LZTR1: variants seen among roughly 807,000 people sequenced by gnomAD.
LZTR1 encodes the protein leucine zipper like post translational regulator 1.
In LZTR1, 260 loss-of-function variants were observed where a neutral mutation model predicts 105.7. That is an observed-to-expected ratio of 2.46 (90% CI 2.22 to 2.72). The LOEUF (loss-of-function observed/expected upper bound fraction) is 2.72. Ranked by LOEUF, LZTR1 falls within the 30% of genes most tolerant of loss-of-function variation. LZTR1 has a pLI of 0.00. For synonymous variants in LZTR1, 490 were observed against 476.4 expected (o/e 1.03, Z -0.37); for missense variants, 1,214 against 1,166.9 (o/e 1.04, Z -0.59).
At chr22:20,987,857 C>T (rs1924451486) in intron 4 of LZTR1, among the ~76,000 whole-genome samples, 153 bp from the exon 5 acceptor site, 1 of 152,232 alleles carries the variant, frequency 6.6e-6, no homozygotes, top group South Asian at 2.1e-4. Flanking sequence ...GAGCCCAGCA[C>T]AGAGGCAGAC....
In LZTR1 at chr22:20,999,029, C is replaced by G. The variant is rs923162510; in HGVS notation, c.*1681C>G. On this transcript the variant is annotated 3_prime_UTR_variant, in exon 21 of 21. Coordinates refer to ENST00000646124, the MANE Select transcript of LZTR1 (RefSeq NM_006767.4). Reference sequence around the variant, plus strand: ...ATTACATGCCAAGGGCCCTAAAAAGCAAATTTTACGAAATTGTGTGGCAGT... The same window carrying G: ...ATTACATGCCAAGGGCCCTAAAAAGGAAATTTTACGAAATTGTGTGGCAGT... 1.3e-5 allele frequency: 2 copies of G among 152,218 alleles called. No homozygotes were observed. The highest frequency in any genetic ancestry group is 4.8e-5 in the African/African-American group (2 of 41,450). The allele number at this position is 152,218 out of a possible 1,614,324, so 9.4% of individuals were successfully genotyped here. A position where few individuals can be genotyped will look rare whatever the true frequency, so the allele number is the denominator to read the frequency against.
chr22:20,993,775 C>A (rs941794489), intron 12 of LZTR1, 21 bp downstream of exon 12: 1 of 1,602,306 alleles, frequency 6.2e-7, no homozygotes, highest in Non-Finnish European at 8.5e-7. Context: ...GTCCTCGCAC[C>A]CTGCTCTGCC....
chr22:20,990,321 T>A, intron 7 of LZTR1, 65 bp from the exon 8 acceptor site: 2 of 1,583,916 alleles, frequency 1.3e-6, no homozygotes, highest in Non-Finnish European at 1.7e-6. Context: ...CTCAGCAGTC[T>A]CGAGTGTGGT....
At position 20,991,652 on chromosome 22, in the gene LZTR1, C is replaced by T. The variant is rs563695082; in HGVS notation, c.816C>T (p.His272=). The change falls in exon 9 of 21, where the codon CAC becomes CAT. Residue 272 remains histidine (H), a synonymous_variant. Coordinates refer to ENST00000646124, the MANE Select transcript of LZTR1 (RefSeq NM_006767.4). ...DKTWTRIPTE[H]LLRGSPPPPQ... Reference sequence around the variant, plus strand: ...GGTGGACACGCATCCCAACTGAACACCTGCTCCGGGGCTCCCCACCACCCC... The same window carrying T: ...GGTGGACACGCATCCCAACTGAACATCTGCTCCGGGGCTCCCCACCACCCC... 6.9e-6 allele frequency: 11 copies of T among 1,600,630 alleles called. No homozygotes were observed. In the East Asian group the frequency reaches 1.3e-4, roughly 20 times the overall value.
intron 2 of LZTR1, among the ~76,000 whole-genome samples, chr22:20,983,856 C>T (rs560985451): frequency 2.0e-4 from 30 of 152,324 alleles, no homozygotes; most frequent in African/African-American, 7.0e-4. Context: ...CAGGAGTAGC[C>T]GGTGGGGCCC....
chr22:20,988,331 G>T (rs536993216), intron 5 of LZTR1, among the ~76,000 whole-genome samples: 1 of 152,202 alleles, frequency 6.6e-6, no homozygotes, highest in African/African-American at 2.4e-5. Flanking sequence ...TGGACCAGGC[G>T]TGGTGGCGCA....
In LZTR1 at chr22:20,994,299, G is replaced by A. The variant is rs200191746; in HGVS notation, c.1615+30G>A. 1.2e-4 allele frequency: 195 copies of A among 1,592,320 alleles called. 2 individuals are homozygous for A. In the African/African-American group the frequency reaches 2.1e-3, roughly 17 times the overall value. Reference sequence around the variant, plus strand: ...GCCTGGGTGGGGGTGGAGCAGGGTTGGTGTGGGCTGGGGTGCGGGCAGCAG... The same window carrying A: ...GCCTGGGTGGGGGTGGAGCAGGGTTAGTGTGGGCTGGGGTGCGGGCAGCAG... On this transcript the variant is annotated intron_variant, in intron 14 of 20. Coordinates refer to ENST00000646124, the MANE Select transcript of LZTR1 (RefSeq NM_006767.4).
chr22:20,985,224 A>C, intron 2 of LZTR1, among the ~76,000 whole-genome samples: 1 of 151,488 alleles, frequency 6.6e-6, no homozygotes, highest in Non-Finnish European at 1.5e-5. Context: ...TGCCAGGCTA[A>C]TTTTTTTGTA....
rs1417500183 is a variant in LZTR1, at chr22:20,995,026, G to A, written c.1942G>A (p.Gly648Ser). 2.5e-6 allele frequency: 4 copies of A among 1,605,638 alleles called. No individual in the cohort carries two copies. The highest frequency in any genetic ancestry group is 1.7e-5 in the Admixed American group (1 of 59,432). The stretch of plus-strand genomic sequence containing the variant: ...TCCCTTGGACCAGCCAGTGGACATT[G>A]GTAGGGAGCCCCGTTCCCCTTCCCT... ...RTPLDQPVDI[G>S]TSLIQDMKAY... The change falls in exon 16 of 21, where the codon GGC becomes AGC. Residue 648 changes from glycine to serine, a missense_variant and splice_region_variant. Physicochemically the swap from Gly to Ser is moderately conservative, Grantham distance 56. Coordinates refer to ENST00000646124, the MANE Select transcript of LZTR1 (RefSeq NM_006767.4).
At position 20,983,014 on chromosome 22, in the gene LZTR1, C is replaced by G. The variant is rs191677014; in HGVS notation, c.201-13C>G. 1.9e-6 allele frequency: 3 copies of G among 1,613,610 alleles called. No individual in the cohort carries two copies. Among genetic ancestry groups the G allele is most frequent in the Non-Finnish European group, 2.5e-6 (3 of 1,179,652 alleles). ...GGTCCTGTCCTTACCGCCCTCCACT[C>G]CTTTCTTTCCAGGCGCAGCAAGCAC... is the stretch of plus-strand genomic sequence containing the variant. On this transcript the variant is annotated splice_polypyrimidine_tract_variant and intron_variant, in intron 1 of 20. Coordinates refer to ENST00000646124, the MANE Select transcript of LZTR1 (RefSeq NM_006767.4).
rs371015800 is a variant in LZTR1, at chr22:20,994,241, C to A, written c.1587C>A (p.Tyr529Ter). 1.3e-6 allele frequency: 2 copies of A among 1,599,494 alleles called. No individual in the cohort carries two copies. Among genetic ancestry groups the A allele is most frequent in the South Asian group, 1.1e-5 (1 of 91,032 alleles). Residue 529 changes from tyrosine (Y) to a stop codon, truncating the protein, a stop_gained, in exon 14 of 21, where the codon TAC becomes TAA. Transcript: ENST00000646124. LOFTEE classifies it high-confidence loss of function. The part of the protein sequence containing the change: ...RPFEVLMQFL[Y>*]TDKIKYPRKG... ...TCGAGGTGCTCATGCAGTTCCTCTA[C>A]ACCGACAAGATCAAATACCCACGGA...
chr22:20,993,449 C>T (rs1236169578), intron 11 of LZTR1: 1 of 589,650 alleles, frequency 1.7e-6, no homozygotes, highest in East Asian at 2.8e-5. Flanking sequence ...TGCTGTGGAG[C>T]CGGCCGTGGA....
Position 20,998,161 on chromosome 22 carries a change from C to A in LZTR1, c.*813C>A, listed in dbSNP as rs1397771555. On this transcript the variant is annotated 3_prime_UTR_variant, in exon 21 of 21. Transcript: ENST00000646124. ...CCCGGCCACCACTGCTGGCTTCAGCCCCTTGAGCAGCCCATGGCTTAGCAG... is the reference window on the plus strand; with the variant it reads ...CCCGGCCACCACTGCTGGCTTCAGCACCTTGAGCAGCCCATGGCTTAGCAG... The A allele has an allele frequency of 6.6e-6, 1 of 152,476 alleles. No homozygotes were observed. The allele number at this position is 152,476 out of a possible 1,614,324, so 9.4% of individuals were successfully genotyped here.
chr22:20,986,378 A>ATAGG (rs1401942675), intron 3 of LZTR1: 1 of 142,258 alleles, frequency 7.0e-6, no homozygotes, highest in Non-Finnish European at 1.5e-5. Context: ...TAGACAGATG[A>ATAGG]TAGATAGATA....
At position 20,997,077 on chromosome 22, in the gene LZTR1, T is replaced by G. The variant is rs373857058; in HGVS notation, c.2406+111T>G. ...CCCCTGCAGTGGTGGGCCCTGGGGG[T>G]GAGAGAAGCAGAGCAGCCCATCACT... On this transcript the variant is annotated intron_variant, in intron 20 of 20. Coordinates refer to ENST00000646124, the MANE Select transcript of LZTR1 (RefSeq NM_006767.4). The G allele has an allele frequency of 8.0e-5, 99 of 1,244,172 alleles. No individual in the cohort carries two copies. In the African/African-American group the frequency reaches 1.1e-3, roughly 14 times the overall value. The allele number at this position is 1,244,172 out of a possible 1,614,324, so 77.1% of individuals were successfully genotyped here. A position where few individuals can be genotyped will look rare whatever the true frequency, so the allele number is the denominator to read the frequency against.
Position 20,994,692 on chromosome 22 carries a change from G to GA in LZTR1, c.1751dup (p.Ser585GlufsTer84), listed in dbSNP as rs1569157346. ...CCTGCAGAACGTGCTGGTTGTGTGC[G>GA]AGAGTGCCGCCCGGCTGCAGCTGAG... is the stretch of plus-strand genomic sequence containing the variant. On this transcript the variant is annotated frameshift_variant, in exon 15 of 21. Coordinates refer to ENST00000646124, the MANE Select transcript of LZTR1 (RefSeq NM_006767.4). LOFTEE classifies it high-confidence loss of function. 1.9e-6 allele frequency: 3 copies of GA among 1,612,610 alleles called. No homozygotes were observed. The highest frequency in any genetic ancestry group is 1.1e-5 in the South Asian group (1 of 91,076).
At chr22:20,994,433 A>C in intron 14 of LZTR1, 125 bp from the exon 15 acceptor site, 2 of 1,258,924 alleles carry the variant, frequency 1.6e-6, no homozygotes, top group African/African-American at 2.9e-5. Context: ...ACGCCATCTG[A>C]GTCCCCCGAG....
In LZTR1 at chr22:20,996,932, A is replaced by ATGT; in HGVS notation, c.2372_2373insTGT (p.His791_Cys792insVal). 1 of 1,613,570 alleles carries ATGT rather than the reference A, an allele frequency of 6.2e-7. No individual in the cohort carries two copies. Among genetic ancestry groups the ATGT allele is most frequent in the Non-Finnish European group, 8.5e-7 (1 of 1,179,876 alleles). ...ACGCAGGCACTGGACATGAAGCGGC[A>ATGT]CTGCCTGCACATCATTGTGCACCAG... On this transcript the variant is annotated inframe_insertion, in exon 20 of 21. Coordinates refer to ENST00000646124, the MANE Select transcript of LZTR1 (RefSeq NM_006767.4).
At position 20,996,676 on chromosome 22, in the gene LZTR1, G is replaced by C; in HGVS notation, c.2220-20G>C. ...CGGGCGGACCAGCTTCCTTTAGTCA[G>C]CTCCTTAACCAGGCCCCAGCTACTT... On this transcript the variant is annotated intron_variant, in intron 18 of 20. Coordinates refer to ENST00000646124, the MANE Select transcript of LZTR1 (RefSeq NM_006767.4). 1 of 1,609,842 alleles carries C rather than the reference G, an allele frequency of 6.2e-7. No homozygotes were observed. The highest frequency in any genetic ancestry group is 8.5e-7 in the Non-Finnish European group (1 of 1,176,686).
Sources: allele counts gnomAD v4.1 joint callset (sites outside exome capture counted in the v4.1 genomes callset), GRCh38; gene constraint gnomAD v4.1.1; transcripts MANE v1.5; gene names NCBI Gene and HGNC (gene_info 2026-07-23, HGNC 2026-07-21).